Variants in ATRNL1 observed in about 807,000 individuals in gnomAD.
ATRNL1 encodes attractin like 1, also known as attractin-like protein 1.
A neutral mutation model predicts 182.7 loss-of-function variants in ATRNL1; 95 were observed. The ratio of observed to expected loss-of-function variants is 0.52; its 90% CI spans 0.44 to 0.62. The LOEUF is 0.62. Among genes scored for constraint, ATRNL1 ranks in the 20% least tolerant of loss-of-function variants. The probability of loss-of-function intolerance (pLI) is 0.00; values close to 1 mark genes in which losing one functional copy is unlikely to be tolerated. For synonymous variants in ATRNL1, 576 were observed against 568.3 expected (o/e 1.01, Z -0.19); for missense variants, 1,471 against 1,679.5 (o/e 0.88, Z 2.17).
chr10:115,831,411 C>G (rs1335398844), intron 27 of ATRNL1, among the ~76,000 whole-genome samples: 1 of 152,084 alleles, frequency 6.6e-6, no homozygotes, highest in Non-Finnish European at 1.5e-5. Context: ...TTTTATTTGT[C>G]ATAGTTCCTT....
At chr10:115,128,758 C>T (rs530491625) in intron 4 of ATRNL1, among the ~76,000 whole-genome samples, 6 of 147,472 alleles carry the variant, frequency 4.1e-5, no homozygotes, top group South Asian at 2.2e-4. Context: ...ACCTGGGAGG[C>T]GGAGCTTTCA....
chr10:115,490,745 A>C (rs1040065206), intron 24 of ATRNL1, among the ~76,000 whole-genome samples: 2 of 152,242 alleles, frequency 1.3e-5, no homozygotes, highest in East Asian at 3.9e-4. Flanking sequence ...TGTCAAACTC[A>C]TTCTCCATCC....
intron 20 of ATRNL1, among the ~76,000 whole-genome samples, chr10:115,419,718 A>G (rs1310941041): frequency 1.3e-5 from 2 of 152,226 alleles, no homozygotes; most frequent in Non-Finnish European, 2.9e-5. Flanking sequence ...CAGCAAGCAG[A>G]TACAATTATA....
intron 24 of ATRNL1, among the ~76,000 whole-genome samples, chr10:115,516,473 C>T (rs1850642379): frequency 6.6e-6 from 1 of 151,890 alleles, no homozygotes; most frequent in Non-Finnish European, 1.5e-5. Flanking sequence ...ATCAAATATC[C>T]TCTTCTCTTA....
chr10:115,263,585 T>C (rs1192714911), intron 10 of ATRNL1, among the ~76,000 whole-genome samples: 6 of 151,820 alleles, frequency 4.0e-5, no homozygotes, highest in African/African-American at 9.7e-5. Context: ...CACTGGATTC[T>C]TATAAAGACC....
At chr10:115,617,277 C>A (rs1355021824) in intron 26 of ATRNL1, among the ~76,000 whole-genome samples, 2 of 152,176 alleles carry the variant, frequency 1.3e-5, no homozygotes, top group Non-Finnish European at 2.9e-5. Flanking sequence ...TTTCTTTTGG[C>A]CAATTTCTCC....
chr10:115,782,961 C>T (rs1464551403), intron 27 of ATRNL1, among the ~76,000 whole-genome samples: 3 of 152,124 alleles, frequency 2.0e-5, no homozygotes, highest in Non-Finnish European at 4.4e-5. Context: ...TTTTATTAAT[C>T]AGTACACATG....
chr10:115,510,338 T>G lies in ATRNL1; in HGVS notation c.3655-8925T>G, dbSNP rs530067133. On this transcript the variant is annotated intron_variant, in intron 24 of 28. Transcript: ENST00000355044. ...CAGCATTGCATGCTGCAGAGAAATC[T>G]TTCCTGAAAGGTGCAGTCAGTCATT... Among the ~76,000 whole-genome samples the G allele has an allele frequency of 3.2e-4, 48 of 152,180 alleles. No homozygotes were observed. The South Asian group carries it at 9.9e-3, about 32-fold the overall frequency.
chr10:115,577,056 A>C (rs1854760848), intron 26 of ATRNL1, among the ~76,000 whole-genome samples: 1 of 151,528 alleles, frequency 6.6e-6, no homozygotes, highest in Non-Finnish European at 1.5e-5. Flanking sequence ...GCTTGAGTTT[A>C]TTTCTGAAGC....
At chr10:115,643,252 T>C (rs1322506180) in intron 26 of ATRNL1, among the ~76,000 whole-genome samples, 1 of 152,154 alleles carries the variant, frequency 6.6e-6, no homozygotes, top group African/African-American at 2.4e-5. Context: ...CAAATAGTGC[T>C]GGAACAATTG....
At chr10:115,279,139 T>C (rs1250409815) in intron 13 of ATRNL1, among the ~76,000 whole-genome samples, 10 of 151,230 alleles carry the variant, frequency 6.6e-5, no homozygotes, top group Non-Finnish European at 1.3e-4. Flanking sequence ...GAGGTGGAGC[T>C]TGCAGTGAGC....
At chr10:115,903,538 A>T (rs1952415272) in intron 28 of ATRNL1, among the ~76,000 whole-genome samples, 1 of 152,208 alleles carries the variant, frequency 6.6e-6, no homozygotes, top group Non-Finnish European at 1.5e-5. Context: ...CCTGCTTCAG[A>T]ACCTTACCTG....
At chr10:115,654,074 G>A (rs1555035073) in intron 26 of ATRNL1, among the ~76,000 whole-genome samples, 1 of 152,052 alleles carries the variant, frequency 6.6e-6, no homozygotes, top group African/African-American at 2.4e-5. Context: ...TACAATATAA[G>A]CAGTCTGAAA....
At chr10:115,389,033 T>G (rs1843825302) in intron 19 of ATRNL1, among the ~76,000 whole-genome samples, 2 of 152,180 alleles carry the variant, frequency 1.3e-5, no homozygotes, top group South Asian at 4.1e-4. Context: ...TTTTGTACTC[T>G]TTGATCAACC....
chr10:115,243,651 A>G (rs1216060719), intron 10 of ATRNL1, among the ~76,000 whole-genome samples: 2 of 152,112 alleles, frequency 1.3e-5, no homozygotes, highest in Non-Finnish European at 2.9e-5. Flanking sequence ...TTATGGCAAC[A>G]AATTACCTTA....
At chr10:115,702,423 A>G (rs1460604780) in intron 26 of ATRNL1, among the ~76,000 whole-genome samples, 2 of 152,050 alleles carry the variant, frequency 1.3e-5, no homozygotes, top group African/African-American at 4.8e-5. Flanking sequence ...AGTCAGAGCA[A>G]TCAGGCAAGG....
chr10:115,165,262 A>G (rs1846984151), intron 6 of ATRNL1, among the ~76,000 whole-genome samples: 1 of 152,042 alleles, frequency 6.6e-6, no homozygotes, highest in South Asian at 2.1e-4. Context: ...GTTTAGCTTA[A>G]TCAATTGATG....
chr10:115,597,831 G>C, intron 26 of ATRNL1: 1 of 294,152 alleles, frequency 3.4e-6, no homozygotes, highest in Non-Finnish European at 6.7e-6. Context: ...CACCGCGCCG[G>C]GCCTCTATGT....
chr10:115,228,624 A>T (rs1177012430), intron 9 of ATRNL1, among the ~76,000 whole-genome samples: 1 of 152,142 alleles, frequency 6.6e-6, no homozygotes, highest in Non-Finnish European at 1.5e-5. Flanking sequence ...TTAGCCTGTG[A>T]AAAAGCACAG....
Sources: gnomAD v4.1 joint callset for allele counts (sites outside exome capture counted in the v4.1 genomes callset) on GRCh38, gnomAD v4.1.1 for gene constraint, MANE v1.5 for transcripts, NCBI Gene and HGNC (gene_info 2026-07-23, HGNC 2026-07-21) for gene names.